CLCN7: variants seen among roughly 807,000 people sequenced by gnomAD.
CLCN7 encodes the protein H(+)/Cl(-) exchange transporter 7.
A neutral mutation model predicts 102.1 loss-of-function variants in CLCN7; 60 were observed. That is an observed-to-expected ratio of 0.59 (90% CI 0.48 to 0.73). CLCN7 has a LOEUF of 0.73. Among genes scored for constraint, CLCN7 ranks in the 30% least tolerant of loss-of-function variants. The pLI, the probability that CLCN7 is intolerant of heterozygous loss-of-function variation, is 0.00. For synonymous variants in CLCN7, 560 were observed against 490.5 expected (o/e 1.14, Z -1.87); for missense variants, 962 against 1,125.7 (o/e 0.85, Z 2.08).
intron 17 of CLCN7, 56 bp from the exon 18 acceptor site, chr16:1,449,383 A>T (rs746772967): frequency 1.2e-5 from 18 of 1,524,056 alleles, no homozygotes; most frequent in Non-Finnish European, 1.6e-5. Flanking sequence ...AAACCCACCA[A>T]GATACACAGA....
intron 13 of CLCN7, 62 bp downstream of exon 13, chr16:1,454,349 G>A: frequency 1.3e-6 from 2 of 1,541,884 alleles, no homozygotes; most frequent in Non-Finnish European, 1.8e-6. Context: ...TCGTCTCTAT[G>A]GCCACGTCAC....
At chr16:1,455,657 A>AGGTGGACCCCAT (rs1259623262) in intron 11 of CLCN7, 74 bp downstream of exon 11, 4 of 1,506,606 alleles carry the variant, frequency 2.7e-6, no homozygotes, top group South Asian at 2.3e-5. Flanking sequence ...GGTGGCCCCA[A>AGGTGGACCCCAT]GGTGGACCCC....
At position 1,447,405 on chromosome 16, in the gene CLCN7, T is replaced by C; in HGVS notation, c.2237A>G (p.Tyr746Cys). 6.5e-7 allele frequency: 1 copy of C among 1,544,046 alleles called. No homozygotes were observed. Among genetic ancestry groups the C allele is most frequent in the Non-Finnish European group, 8.7e-7 (1 of 1,143,622 alleles). The change falls in exon 23 of 25, where the codon TAC becomes TGC. Residue 746 changes from tyrosine (Y) to cysteine (C), a missense_variant. Transcript: ENST00000382745. ...CCCTGCACATGCCTGGGGCACCGTG[T>C]AGGGGGAGGGGTTCATGAACTCGGA... Reference protein sequence around the residue: ...DLSEFMNPSPYTVPQEASLPR... With the variant: ...DLSEFMNPSPCTVPQEASLPR...
chr16:1,468,513 C>T (rs374222390), intron 1 of CLCN7, among the ~76,000 whole-genome samples: 8 of 152,204 alleles, frequency 5.3e-5, no homozygotes, highest in African/African-American at 1.9e-4. Flanking sequence ...TTTTTAAATG[C>T]AAGCTCTTAT....
chr16:1,474,284 C>G, intron 1 of CLCN7: 1 of 446,178 alleles, frequency 2.2e-6, no homozygotes, highest in Admixed American at 2.4e-5. Context: ...TACAAATACT[C>G]GTCACTCCCA....
At position 1,457,824 on chromosome 16, in the gene CLCN7, A is replaced by C; in HGVS notation, c.676-68T>G. 1.4e-6 allele frequency: 2 copies of C among 1,472,116 alleles called. No individual in the cohort carries two copies. The highest frequency in any genetic ancestry group is 1.9e-6 in the Non-Finnish European group (2 of 1,052,990). 91.2% of individuals were successfully genotyped at this position (1,472,116 alleles called of 1,614,324 possible). A position where few individuals can be genotyped will look rare whatever the true frequency, so the allele number is the denominator to read the frequency against. ...CGCTGTCTTTGGACCTGAGCCGTAA[A>C]ACAGCACACACAGCCCCGATCAGGC... On this transcript the variant is annotated intron_variant, in intron 7 of 24. Coordinates refer to ENST00000382745, the MANE Select transcript of CLCN7 (RefSeq NM_001287.6). The surrounding 1 kb of genome is among the most constrained non-coding windows in gnomAD (Gnocchi z 5.4).
chr16:1,469,313 G>T (rs1370796231), intron 1 of CLCN7, among the ~76,000 whole-genome samples: 2 of 152,076 alleles, frequency 1.3e-5, no homozygotes, highest in African/African-American at 4.8e-5. Flanking sequence ...AGAGCAAAAG[G>T]TAACCTATGA....
chr16:1,460,770 G>GC (rs753502103), intron 5 of CLCN7, 46 bp downstream of exon 5: 21 of 1,613,298 alleles, frequency 1.3e-5, no homozygotes, highest in Non-Finnish European at 1.8e-5. Context: ...CTCGGCCCAG[G>GC]CCACGCCCCC....
At chr16:1,454,990 G>A (rs1006129687) in intron 12 of CLCN7, 144 bp downstream of exon 12, 35 of 681,946 alleles carry the variant, frequency 5.1e-5, no homozygotes, top group Admixed American at 1.7e-4. Context: ...GCCCCTCGGG[G>A]CCCTGGAGCT....
At chr16:1,461,075 G>A in intron 4 of CLCN7, 127 bp from the exon 5 acceptor site, 1 of 1,253,810 alleles carries the variant, frequency 8.0e-7, no homozygotes, top group Non-Finnish European at 1.1e-6. Flanking sequence ...GGTGCGCTGA[G>A]TCCCACAAAG....
Position 1,446,527 on chromosome 16 carries a change from A to T in CLCN7, c.*104T>A. Reference sequence around the variant, plus strand: ...CAGCTGCAGGGTGCTCGCCATTGCCACTGCTGGGGAGCATGGTTTGGGCCG... The same window carrying T: ...CAGCTGCAGGGTGCTCGCCATTGCCTCTGCTGGGGAGCATGGTTTGGGCCG... On this transcript the variant is annotated 3_prime_UTR_variant, in exon 25 of 25. Coordinates refer to ENST00000382745, the MANE Select transcript of CLCN7 (RefSeq NM_001287.6). The T allele has an allele frequency of 9.3e-7, 1 of 1,076,132 alleles. No individual in the cohort carries two copies. The highest frequency in any genetic ancestry group is 1.4e-6 in the Non-Finnish European group (1 of 718,584). The allele number at this position is 1,076,132 out of a possible 1,614,324, so 66.7% of individuals were successfully genotyped here.
chr16:1,460,028 T>C (rs1177987569), intron 6 of CLCN7, among the ~76,000 whole-genome samples: 7 of 142,316 alleles, frequency 4.9e-5, no homozygotes, highest in African/African-American at 1.3e-4. Flanking sequence ...GCACACACGT[T>C]GGGGCCCCAG....
intron 11 of CLCN7, chr16:1,455,468 G>A (rs1480075564): frequency 1.5e-6 from 1 of 646,968 alleles, no homozygotes; most frequent in Non-Finnish European, 2.8e-6. Context: ...AGAGCAAGAG[G>A]GGAAGGTGGG....
chr16:1,446,390 CGAG>C lies in CLCN7; in HGVS notation c.*238_*240del, dbSNP rs1567262462. 1.4e-6 allele frequency: 1 copy of C among 702,366 alleles called. No individual in the cohort carries two copies. Among genetic ancestry groups the C allele is most frequent in the South Asian group, 1.5e-5 (1 of 67,606 alleles). The allele number at this position is 702,366 out of a possible 1,614,324, so 43.5% of individuals were successfully genotyped here. Reference sequence around the variant, plus strand: ...ATCCCTGGAGGTAAAGAAACCTAGACGAGGAGAGTGGAGGCTGGGCCTGCGCAA... The same window carrying C: ...ATCCCTGGAGGTAAAGAAACCTAGACGAGAGTGGAGGCTGGGCCTGCGCAA... On this transcript the variant is annotated 3_prime_UTR_variant, in exon 25 of 25. Transcript: ENST00000382745.
At position 1,453,908 on chromosome 16, in the gene CLCN7, A is replaced by T. The variant is rs775809603; in HGVS notation, c.1154-14T>A. 2.5e-6 allele frequency: 4 copies of T among 1,612,740 alleles called. No homozygotes were observed. In the East Asian group the frequency reaches 8.9e-5, roughly 36 times the overall value. ...CAAGCACACCGCCTGCGAACAGGGG[A>T]AAGGCCAGTCAGCGACACCGGAGGA... On this transcript the variant is annotated splice_polypyrimidine_tract_variant and intron_variant, in intron 13 of 24. Coordinates refer to ENST00000382745, the MANE Select transcript of CLCN7 (RefSeq NM_001287.6).
chr16:1,468,665 C>T (rs566138601), intron 1 of CLCN7, among the ~76,000 whole-genome samples: 7 of 152,078 alleles, frequency 4.6e-5, no homozygotes, highest in East Asian at 1.9e-4. Flanking sequence ...TCGGGCCGGA[C>T]GGGAGGCGAG....
At chr16:1,448,873 C>T (rs528297027) in intron 19 of CLCN7, 93 bp downstream of exon 19, 14 of 1,594,052 alleles carry the variant, frequency 8.8e-6, no homozygotes, top group Middle Eastern at 1.9e-4. Flanking sequence ...CCTGAGCCTA[C>T]CCCCCGGGAC....
At position 1,447,503 on chromosome 16, in the gene CLCN7, G is replaced by A. The variant is rs200812045; in HGVS notation, c.2139C>T (p.Asp713=). ...QRRLRLKDFR[D]AYPRFPPIQS... is the part of the protein sequence containing the mutation. ...GGATGGGTGGGAAGCGCGGGTAGGC[G>A]TCTCGGAAGTCCTTCAGCCTCAGGC... Residue 713 remains aspartate (D), a synonymous_variant, in exon 23 of 25, where the codon GAC becomes GAT. Transcript: ENST00000382745. The A allele has an allele frequency of 5.0e-5, 78 of 1,554,142 alleles. No individual in the cohort carries two copies. The Middle Eastern group carries it at 8.3e-4, about 17-fold the overall frequency.
intron 12 of CLCN7, among the ~76,000 whole-genome samples, chr16:1,454,898 G>A (rs1254387478): frequency 2.6e-5 from 4 of 152,230 alleles, no homozygotes; most frequent in East Asian, 1.9e-4. Context: ...CCCCATGCAC[G>A]CAGCAACTGT....
Sources: allele counts gnomAD v4.1 joint callset (sites outside exome capture counted in the v4.1 genomes callset), GRCh38; gene constraint gnomAD v4.1.1; non-coding constraint Gnocchi (gnomAD v3.1); transcripts MANE v1.5; gene names NCBI Gene and HGNC (gene_info 2026-07-23, HGNC 2026-07-21).